The following WDR59 variants were observed in gnomAD, a reference collection of about 807,000 sequenced individuals.
WDR59 encodes GATOR2 complex protein WDR59.
A neutral mutation model predicts 131.2 loss-of-function variants in WDR59; 100 were observed. The ratio of observed to expected loss-of-function variants is 0.76; its 90% CI spans 0.65 to 0.90. The LOEUF is 0.90. Among genes scored for constraint, WDR59 ranks in the 40% least tolerant of loss-of-function variants. The pLI, the probability that WDR59 is intolerant of heterozygous loss-of-function variation, is 0.00. For missense variants in WDR59, 1,203 were observed against 1,262.2 expected (o/e 0.95, Z 0.71); for synonymous variants, 601 against 466.2 (o/e 1.29, Z -3.72).
In WDR59 at chr16:74,916,714, C is replaced by G. The variant is rs569505809; in HGVS notation, c.967-455G>C. ...TCTCTACTAAAAATACAAAAACTAG[C>G]CAGGCATGGTGGCGGACGCCTACAG... On this transcript the variant is annotated intron_variant, in intron 11 of 25. Coordinates refer to ENST00000262144, the MANE Select transcript of WDR59 (RefSeq NM_030581.4). Among the ~76,000 whole-genome samples the G allele has an allele frequency of 1.1e-4, 17 of 152,138 alleles. 1 individual carries two copies. The South Asian group carries it at 3.5e-3, about 32-fold the overall frequency.
intron 8 of WDR59, among the ~76,000 whole-genome samples, chr16:74,935,662 T>C (rs924862853): frequency 6.6e-6 from 1 of 152,174 alleles, no homozygotes; most frequent in Non-Finnish European, 1.5e-5. Flanking sequence ...AAAAAAATGG[T>C]TGAATGTTAT....
chr16:74,941,204 G>A (rs958722456), intron 7 of WDR59, among the ~76,000 whole-genome samples: 1 of 151,698 alleles, frequency 6.6e-6, no homozygotes, highest in Non-Finnish European at 1.5e-5. Flanking sequence ...GGCTGGGTGT[G>A]GTGGCATGTA....
At chr16:74,890,769 A>T (rs1159258971) in intron 20 of WDR59, among the ~76,000 whole-genome samples, 1 of 152,186 alleles carries the variant, frequency 6.6e-6, no homozygotes, top group African/African-American at 2.4e-5. Context: ...AGTCCAAGGC[A>T]CAGGCTAAAC....
chr16:74,934,777 A>G (rs2031667714), intron 8 of WDR59, among the ~76,000 whole-genome samples: 1 of 151,918 alleles, frequency 6.6e-6, no homozygotes, highest in African/African-American at 2.4e-5. Context: ...GTGAAACAAA[A>G]TATATATTTG....
chr16:74,938,037 C>T (rs771988960), intron 8 of WDR59, 113 bp downstream of exon 8: 2 of 693,442 alleles, frequency 2.9e-6, no homozygotes, highest in Non-Finnish European at 4.4e-6. Context: ...AGCACATGCA[C>T]CGTGAAATAC....
At chr16:74,949,581 T>C (rs2032871773) in intron 5 of WDR59, 137 bp downstream of exon 5, 1 of 685,956 alleles carries the variant, frequency 1.5e-6, no homozygotes, top group East Asian at 3.0e-5. Flanking sequence ...TCAAATAATA[T>C]ATTTGCGCTC....
chr16:74,879,039 C>T (rs1034154603), intron 25 of WDR59, among the ~76,000 whole-genome samples: 8 of 152,146 alleles, frequency 5.3e-5, no homozygotes, highest in African/African-American at 1.9e-4. Flanking sequence ...GAAGAGATTC[C>T]TGAATACCAA....
intron 21 of WDR59, 65 bp from the exon 22 acceptor site, chr16:74,888,384 A>G: frequency 6.6e-7 from 1 of 1,510,682 alleles, no homozygotes; most frequent in Non-Finnish European, 9.0e-7. Flanking sequence ...AAGCGGTCAC[A>G]GTCATGGCGT....
chr16:74,886,261 G>A lies in WDR59; in HGVS notation c.2546+9C>T. The A allele has an allele frequency of 2.5e-6, 4 of 1,611,238 alleles. No homozygotes were observed. The highest frequency in any genetic ancestry group is 3.4e-6 in the Non-Finnish European group (4 of 1,178,298). ...TGGCATTGCAGCTCTCACCTGGGAG[G>A]GTGGTTACCTTTTATTTTTATCATG... On this transcript the variant is annotated intron_variant, in intron 24 of 25. Coordinates refer to ENST00000262144, the MANE Select transcript of WDR59 (RefSeq NM_030581.4).
chr16:74,902,239 T>A (rs539144279), intron 18 of WDR59, among the ~76,000 whole-genome samples: 103 of 152,220 alleles, frequency 6.8e-4, no homozygotes, highest in African/African-American at 2.4e-3. Flanking sequence ...CTATTTGAAA[T>A]AAAACATAAA....
intron 8 of WDR59, among the ~76,000 whole-genome samples, chr16:74,932,341 C>T (rs1416778429): frequency 6.6e-6 from 1 of 151,890 alleles, no homozygotes; most frequent in African/African-American, 2.4e-5. Flanking sequence ...CCTCCCACCT[C>T]GGCCTCTCAA....
Position 74,916,272 on chromosome 16 carries a change from G to A in WDR59, c.967-13C>T. ...CATTTGCACAAAGCTGCAACAAAGG[G>A]TAGAAGATGTAGTTCTAGAGAAGTC... On this transcript the variant is annotated splice_polypyrimidine_tract_variant and intron_variant, in intron 11 of 25. Coordinates refer to ENST00000262144, the MANE Select transcript of WDR59 (RefSeq NM_030581.4). The A allele has an allele frequency of 6.2e-7, 1 of 1,613,572 alleles. No individual in the cohort carries two copies. Among genetic ancestry groups the A allele is most frequent in the Non-Finnish European group, 8.5e-7 (1 of 1,179,888 alleles).
chr16:74,977,023 A>C (rs529155158), intron 1 of WDR59, among the ~76,000 whole-genome samples: 2 of 152,134 alleles, frequency 1.3e-5, no homozygotes, highest in African/African-American at 4.8e-5. Flanking sequence ...AACAAGACTG[A>C]AAAAGCATAA....
intron 18 of WDR59, among the ~76,000 whole-genome samples, chr16:74,899,046 T>A (rs922827393): frequency 6.6e-6 from 1 of 152,090 alleles, no homozygotes; most frequent in Non-Finnish European, 1.5e-5. Context: ...TGAGGTCACC[T>A]TGGCACTACT....
intron 13 of WDR59, 62 bp downstream of exon 13, chr16:74,915,808 T>C (rs1966339380): frequency 1.2e-6 from 2 of 1,604,744 alleles, no homozygotes; most frequent in Non-Finnish European, 8.5e-7. Flanking sequence ...ATTGCTGAAA[T>C]GGTTCCCTCT....
chr16:74,902,806 G>T (rs1187647951), intron 18 of WDR59, among the ~76,000 whole-genome samples: 1 of 152,062 alleles, frequency 6.6e-6, no homozygotes, highest in Non-Finnish European at 1.5e-5. Context: ...ATTTTGAATG[G>T]AAAGGACTTG....
At chr16:74,957,514 A>AC (rs1340447278) in intron 2 of WDR59, among the ~76,000 whole-genome samples, 25 of 152,250 alleles carry the variant, frequency 1.6e-4, no homozygotes, top group Admixed American at 1.0e-3. Flanking sequence ...AATTCCCCTT[A>AC]CTACTTCCTG....
chr16:74,903,935 T>C lies in WDR59; in HGVS notation c.1866+12A>G. The C allele has an allele frequency of 1.2e-6, 2 of 1,604,210 alleles. No individual in the cohort carries two copies. The highest frequency in any genetic ancestry group is 1.7e-6 in the Non-Finnish European group (2 of 1,175,824). On this transcript the variant is annotated intron_variant, in intron 18 of 25. Coordinates refer to ENST00000262144, the MANE Select transcript of WDR59 (RefSeq NM_030581.4). Reference sequence around the variant, plus strand: ...AGGGGTAAGAATCAAAGGCTACGGCTCTGGCACTTACCCGCTCCTTGTAGT... The same window carrying C: ...AGGGGTAAGAATCAAAGGCTACGGCCCTGGCACTTACCCGCTCCTTGTAGT...
In WDR59 at chr16:74,899,541, TCTGAA is replaced by T. The variant is rs1324255137; in HGVS notation, c.1866+4401_1866+4405del. Among the ~76,000 whole-genome samples the T allele has an allele frequency of 2.6e-5, 4 of 152,188 alleles. No individual in the cohort carries two copies. In the East Asian group the frequency reaches 7.7e-4, roughly 29 times the overall value. ...TTGGACAAGGAGGCAGCCCTTGGTG[TCTGAA>T]CTCCCCCAAGCAAAAAATTGACTGT... On this transcript the variant is annotated intron_variant, in intron 18 of 25. Transcript: ENST00000262144.
Sources: gnomAD v4.1 joint callset for allele counts (sites outside exome capture counted in the v4.1 genomes callset) on GRCh38, gnomAD v4.1.1 for gene constraint, MANE v1.5 for transcripts, NCBI Gene and HGNC (gene_info 2026-07-23, HGNC 2026-07-21) for gene names.